ZC3H13: variants seen among roughly 807,000 people sequenced by gnomAD.
ZC3H13 encodes zinc finger CCCH domain-containing protein 13.
Under a neutral mutation model 204.1 loss-of-function variants are expected in ZC3H13, and 64 were observed. The observed-to-expected ratio is 0.31, with a 90% CI of 0.26 to 0.39. The LOEUF (loss-of-function observed/expected upper bound fraction) is 0.39, where lower values mean the gene tolerates loss of function less well. ZC3H13 is among the 10% of genes least tolerant of loss of function. The pLI, the probability that ZC3H13 is intolerant of heterozygous loss-of-function variation, is 1.00. For synonymous variants in ZC3H13, 667 were observed against 693.7 expected, an observed-to-expected ratio of 0.96 and a Z score of 0.60; for missense variants, 1,833 against 2,082.7, an observed-to-expected ratio of 0.88 and a Z score of 2.33.
Position 45,968,978 on chromosome 13 carries a change from C to T in ZC3H13, c.3566G>A (p.Ser1189Asn), listed in dbSNP as rs1289184081. ...QHRKPMDQKR[S>N]SSLGSNRSNR... ...ACTCCGATTGCTCCCGAGGCTGCTG[C>T]TCCTCTTTTGATCCATAGGCTTGCG... The change falls in exon 14 of 19, where the codon AGC becomes AAC. Residue 1189 changes from serine to asparagine, a missense_variant. Physicochemically the swap from Ser to Asn is conservative, Grantham distance 46. Transcript: ENST00000679008. 3.1e-6 allele frequency: 5 copies of T among 1,614,246 alleles called. No individual in the cohort carries two copies. Among genetic ancestry groups the T allele is most frequent in the Admixed American group, 1.7e-5 (1 of 60,020 alleles).
chr13:45,976,715 G>A (rs563964981), intron 11 of ZC3H13, among the ~76,000 whole-genome samples: 1 of 152,152 alleles, frequency 6.6e-6, no homozygotes, highest in Non-Finnish European at 1.5e-5. Context: ...AGGATGGCAT[G>A]AACTTTTTCA....
At chr13:46,036,679 A>T (rs1316604252) in intron 4 of ZC3H13, among the ~76,000 whole-genome samples, 3 of 152,204 alleles carry the variant, frequency 2.0e-5, no homozygotes, top group Non-Finnish European at 4.4e-5. Flanking sequence ...GAAATAATTA[A>T]CATTTAGAAA....
At chr13:45,968,078 G>T (rs761356004) in intron 14 of ZC3H13, 50 bp from the exon 15 acceptor site, 1 of 1,486,960 alleles carries the variant, frequency 6.7e-7, no homozygotes, top group Admixed American at 2.4e-5. Flanking sequence ...TGATAAAATA[G>T]AAACAAAATG....
At chr13:45,994,377 TTCAAGGG>T (rs1352866849) in intron 8 of ZC3H13, among the ~76,000 whole-genome samples, 4 of 152,232 alleles carry the variant, frequency 2.6e-5, no homozygotes, top group Non-Finnish European at 5.9e-5. Context: ...CCCTTCATTG[TTCAAGGG>T]TCAACTGTAA....
intron 12 of ZC3H13, among the ~76,000 whole-genome samples, chr13:45,972,193 G>T (rs1952643026): frequency 1.3e-5 from 2 of 151,762 alleles, no homozygotes; most frequent in African/African-American, 4.8e-5. Context: ...AAAAAAACAT[G>T]CACATATATG....
rs1404596663 is a variant in ZC3H13, at chr13:45,957,396, A to C, written c.4840-99T>G. 5.4e-6 allele frequency: 6 copies of C among 1,104,332 alleles called. No individual in the cohort carries two copies. The African/African-American group carries it at 9.7e-5, about 18-fold the overall frequency. The allele number at this position is 1,104,332 out of a possible 1,614,324, so 68.4% of individuals were successfully genotyped here. On this transcript the variant is annotated intron_variant, in intron 18 of 18. Transcript: ENST00000679008. Reference sequence around the variant, plus strand: ...CTACCCAAAATATCAAAGTTATAAGAGTATTTCATTTTGGATATTAAATTA... The same window carrying C: ...CTACCCAAAATATCAAAGTTATAAGCGTATTTCATTTTGGATATTAAATTA...
intron 5 of ZC3H13, among the ~76,000 whole-genome samples, chr13:46,013,456 T>G (rs2041709181): frequency 6.6e-6 from 1 of 151,804 alleles, no homozygotes; most frequent in African/African-American, 2.4e-5. Flanking sequence ...GTCAATGTAG[T>G]AAATATAACT....
At chr13:46,017,686 C>T (rs1477598517) in intron 5 of ZC3H13, among the ~76,000 whole-genome samples, 1 of 151,800 alleles carries the variant, frequency 6.6e-6, no homozygotes, top group Non-Finnish European at 1.5e-5. Flanking sequence ...ATAAAAGTGG[C>T]CTAAAAACCA....
Position 45,967,736 on chromosome 13 carries a change from A to G in ZC3H13, c.4089T>C (p.Ile1363=). 2 of 1,613,482 alleles carry G rather than the reference A, an allele frequency of 1.2e-6. No individual in the cohort carries two copies. The highest frequency in any genetic ancestry group is 1.7e-4 in the Middle Eastern group (1 of 6,060). Residue 1363 remains isoleucine, a synonymous_variant, in exon 15 of 19, where the codon ATT becomes ATC. Transcript: ENST00000679008. ...RDLDRERERL[I]SDSVERDRDR... is the part of the protein sequence containing the mutation. The stretch of plus-strand genomic sequence containing the variant: ...CCCTGTCCCTTTCAACAGAATCAGA[A>G]ATTAGTCTCTCTCTTTCCCTATCCA...
intron 4 of ZC3H13, among the ~76,000 whole-genome samples, chr13:46,030,968 T>C (rs543411752): frequency 3.3e-5 from 5 of 152,094 alleles, no homozygotes; most frequent in Admixed American, 1.3e-4. Flanking sequence ...AGAACCAGAA[T>C]AGCCAACACA....
At chr13:46,046,533 T>C (rs1034246268) in intron 1 of ZC3H13, among the ~76,000 whole-genome samples, 2 of 148,152 alleles carry the variant, frequency 1.3e-5, no homozygotes, top group Admixed American at 6.7e-5. Context: ...CTGGGCATGG[T>C]GGCGGGCGCC....
chr13:46,016,507 T>C (rs1391450206), intron 5 of ZC3H13, among the ~76,000 whole-genome samples: 1 of 152,148 alleles, frequency 6.6e-6, no homozygotes, highest in Non-Finnish European at 1.5e-5. Context: ...ATTCCATTTA[T>C]ATGGAGCTCA....
At chr13:46,029,104 G>T (rs2042719131) in intron 4 of ZC3H13, among the ~76,000 whole-genome samples, 1 of 151,950 alleles carries the variant, frequency 6.6e-6, no homozygotes, top group Admixed American at 6.6e-5. Context: ...ATCAATAGGA[G>T]AAACAAAGGT....
intron 8 of ZC3H13, among the ~76,000 whole-genome samples, chr13:45,994,960 C>G (rs1349703371): frequency 6.6e-6 from 1 of 151,600 alleles, no homozygotes; most frequent in Non-Finnish European, 1.5e-5. Flanking sequence ...GCCTGGAAGT[C>G]CCATCTAGTC....
At chr13:45,964,962 T>C (rs1412540808) in intron 16 of ZC3H13, among the ~76,000 whole-genome samples, 2 of 152,226 alleles carry the variant, frequency 1.3e-5, no homozygotes, top group East Asian at 1.9e-4. Context: ...ATAACTACCA[T>C]GTAGAAAGAA....
intron 3 of ZC3H13, among the ~76,000 whole-genome samples, chr13:46,043,522 C>T (rs2043731700): frequency 6.6e-6 from 1 of 151,778 alleles, no homozygotes; most frequent in African/African-American, 2.4e-5. Flanking sequence ...TAAACAGCAC[C>T]CAACAGAATG....
rs371334816 is a variant in ZC3H13 at position 45,980,052 on chromosome 13, A to G, written c.1721-48T>C. ...AATGTTTACCACATACACTTTATTC[A>G]ACAAATTTCATCAGTCATAATCTTT... On this transcript the variant is annotated intron_variant, in intron 10 of 18. Transcript: ENST00000679008. 4 of 1,491,688 alleles carry G rather than the reference A, an allele frequency of 2.7e-6. No homozygotes were observed. The African/African-American group carries it at 4.3e-5, about 16-fold the overall frequency. The allele number at this position is 1,491,688 out of a possible 1,614,324, so 92.4% of individuals were successfully genotyped here.
At chr13:46,020,839 T>A (rs1200230514) in intron 4 of ZC3H13, among the ~76,000 whole-genome samples, 1 of 151,970 alleles carries the variant, frequency 6.6e-6, no homozygotes, top group Admixed American at 6.6e-5. Context: ...GAACAAAAAC[T>A]TTAAATATTA....
chr13:46,020,610 G>T, intron 4 of ZC3H13, 53 bp from the exon 5 acceptor site: 1 of 1,144,306 alleles, frequency 8.7e-7, no homozygotes. Flanking sequence ...AAATTATGAG[G>T]TAGTTTATTG....
Sources: allele counts gnomAD v4.1 joint callset (sites outside exome capture counted in the v4.1 genomes callset), GRCh38; gene constraint gnomAD v4.1.1; transcripts MANE v1.5; gene names NCBI Gene and HGNC (gene_info 2026-07-23, HGNC 2026-07-21).